CACNA2D1: variants seen among roughly 807,000 people sequenced by gnomAD.
The protein encoded by CACNA2D1 is calcium voltage-gated channel auxiliary subunit alpha2delta 1.
A neutral mutation model predicts 171.5 loss-of-function variants in CACNA2D1; 53 were observed. The observed-to-expected ratio is 0.31, with a 90% CI of 0.25 to 0.39. CACNA2D1 has a LOEUF of 0.39. Among genes scored for constraint, CACNA2D1 ranks in the 10% least tolerant of loss-of-function variants. The pLI, the probability that CACNA2D1 is intolerant of heterozygous loss-of-function variation, is 1.00. For synonymous variants in CACNA2D1, 442 were observed against 443.1 expected (o/e 1.00, Z 0.03); for missense variants, 903 against 1,299.8 (o/e 0.69, Z 4.69).
intron 6 of CACNA2D1, among the ~76,000 whole-genome samples, chr7:82,102,721 T>G (rs1812828552): frequency 6.6e-6 from 1 of 152,168 alleles, no homozygotes; most frequent in Non-Finnish European, 1.5e-5. Context: ...GGCCCTGTGC[T>G]GGCAATTAAA....
chr7:82,415,723 T>A (rs532362162), intron 1 of CACNA2D1, among the ~76,000 whole-genome samples: 3 of 152,154 alleles, frequency 2.0e-5, no homozygotes, highest in Admixed American at 6.5e-5. Context: ...TAATCAGGCT[T>A]ACTGCTTTAG....
intron 4 of CACNA2D1, among the ~76,000 whole-genome samples, chr7:82,168,196 T>C (rs931471341): frequency 6.6e-6 from 1 of 152,004 alleles, no homozygotes; most frequent in Non-Finnish European, 1.5e-5. Context: ...GCTGGAGTAG[T>C]ACAGTGTCAT....
At chr7:82,194,548 TTAAAC>T (rs1205052820) in intron 3 of CACNA2D1, among the ~76,000 whole-genome samples, 1 of 151,890 alleles carries the variant, frequency 6.6e-6, no homozygotes, top group Non-Finnish European at 1.5e-5. Flanking sequence ...ATAATAGCTA[TTAAAC>T]TAAAGTCCAA....
intron 14 of CACNA2D1, among the ~76,000 whole-genome samples, chr7:82,012,594 C>T (rs866988281): frequency 6.6e-6 from 1 of 152,088 alleles, no homozygotes; most frequent in Non-Finnish European, 1.5e-5. Context: ...TGATTTACTG[C>T]GTGGAATTGC....
At chr7:82,198,266 A>G (rs1799053465) in intron 3 of CACNA2D1, among the ~76,000 whole-genome samples, 1 of 152,126 alleles carries the variant, frequency 6.6e-6, no homozygotes, top group East Asian at 1.9e-4. Context: ...AAGCAGTAGG[A>G]TGGGAGGAAT....
rs747051584 is a variant in CACNA2D1, at chr7:81,948,337, C to T, written c.*2055G>A. 6.6e-6 allele frequency: 1 copy of T among 151,542 alleles called. No individual in the cohort carries two copies. Among genetic ancestry groups the T allele is most frequent in the African/African-American group, 2.4e-5 (1 of 41,314 alleles). 9.4% of individuals were successfully genotyped at this position (151,542 alleles called of 1,614,324 possible). A position where few individuals can be genotyped will look rare whatever the true frequency, so the allele number is the denominator to read the frequency against. On this transcript the variant is annotated 3_prime_UTR_variant, in exon 39 of 39. Coordinates refer to ENST00000356860, the MANE Select transcript of CACNA2D1 (RefSeq NM_000722.4). ...ATATTTTAAATCACTTTGGTGTTTT[C>T]TAAAATGTCAATACCAGTTATGAAT... is the stretch of plus-strand genomic sequence containing the variant.
chr7:82,293,226 T>C (rs890304314), intron 3 of CACNA2D1, among the ~76,000 whole-genome samples: 2 of 152,130 alleles, frequency 1.3e-5, no homozygotes, highest in African/African-American at 4.8e-5. Flanking sequence ...ATGTATAATA[T>C]CATTTTTTGA....
rs76767898 is a variant in CACNA2D1 at position 82,391,145 on chromosome 7, T to C, written c.96-41496A>G. Among the ~76,000 whole-genome samples, 1,319 of 152,280 alleles carry C rather than the reference T, an allele frequency of 8.7e-3. 47 individuals are homozygous for C. In the East Asian group the frequency reaches 0.099, roughly 11 times the overall value. On this transcript the variant is annotated intron_variant, in intron 1 of 38. Coordinates refer to ENST00000356860, the MANE Select transcript of CACNA2D1 (RefSeq NM_000722.4). ...GCTGTTTGTACTGTACTTGTCAATA[T>C]TGAGCATCACTCACAGTTCATGTGA... is the stretch of plus-strand genomic sequence containing the variant.
chr7:82,308,918 A>G (rs572487940), intron 3 of CACNA2D1, among the ~76,000 whole-genome samples: 2 of 152,358 alleles, frequency 1.3e-5, no homozygotes, highest in Admixed American at 1.3e-4. Flanking sequence ...TAGGGCAATG[A>G]AACAGGTGAT....
chr7:82,369,744 C>T (rs1822160490), intron 1 of CACNA2D1, among the ~76,000 whole-genome samples: 1 of 151,866 alleles, frequency 6.6e-6, no homozygotes, highest in African/African-American at 2.4e-5. Flanking sequence ...TAGAATAGCC[C>T]AGTTCCTCCA....
intron 4 of CACNA2D1, among the ~76,000 whole-genome samples, chr7:82,168,534 C>T (rs955982652): frequency 6.6e-6 from 1 of 152,022 alleles, no homozygotes; most frequent in African/African-American, 2.4e-5. Context: ...ATGGTAATAG[C>T]AAACTTGAAT....
intron 36 of CACNA2D1, among the ~76,000 whole-genome samples, chr7:81,961,158 G>A (rs954239446): frequency 1.3e-5 from 2 of 151,784 alleles, no homozygotes; most frequent in African/African-American, 4.8e-5. Context: ...AAAACAAAGT[G>A]TCTCTACTCT....
intron 1 of CACNA2D1, among the ~76,000 whole-genome samples, chr7:82,399,394 C>G (rs1169617556): frequency 6.6e-6 from 1 of 151,304 alleles, no homozygotes; most frequent in Non-Finnish European, 1.5e-5. Flanking sequence ...GAGCCGAGAT[C>G]GCTCCACTGC....
At position 82,215,548 on chromosome 7, in the gene CACNA2D1, A is replaced by T. The variant is rs1801013465; in HGVS notation, c.295-44939T>A. ...AACTTGAAATATGATTTAGCAATAAATATTACCTAATATATAATATAATTA... is the reference window on the plus strand; with the variant it reads ...AACTTGAAATATGATTTAGCAATAATTATTACCTAATATATAATATAATTA... On this transcript the variant is annotated intron_variant, in intron 3 of 38. Coordinates refer to ENST00000356860, the MANE Select transcript of CACNA2D1 (RefSeq NM_000722.4). Among the ~76,000 whole-genome samples the T allele has an allele frequency of 2.0e-5, 3 of 152,298 alleles. No individual in the cohort carries two copies. In the South Asian group the frequency reaches 6.2e-4, roughly 32 times the overall value.
chr7:82,263,101 A>ATTTT (rs1807342277), intron 3 of CACNA2D1, among the ~76,000 whole-genome samples: 3 of 79,032 alleles, frequency 3.8e-5, no homozygotes, highest in Admixed American at 2.6e-4. Flanking sequence ...ACATAACACC[A>ATTTT]CTTTTTTTTT....
chr7:82,061,239 A>G (rs115771985), intron 9 of CACNA2D1, among the ~76,000 whole-genome samples: 2 of 152,090 alleles, frequency 1.3e-5, no homozygotes, highest in Admixed American at 6.6e-5. Flanking sequence ...GGTACCAAAG[A>G]GTCTATGTCT....
At chr7:82,012,768 G>A (rs1200096211) in intron 14 of CACNA2D1, among the ~76,000 whole-genome samples, 1 of 152,078 alleles carries the variant, frequency 6.6e-6, no homozygotes, top group African/African-American at 2.4e-5. Context: ...AACATTCAGT[G>A]TATTCAGTAT....
At chr7:82,173,912 A>T (rs1796291540) in intron 3 of CACNA2D1, among the ~76,000 whole-genome samples, 1 of 151,644 alleles carries the variant, frequency 6.6e-6, no homozygotes, top group South Asian at 2.1e-4. Context: ...GCATGGTGGC[A>T]CATGCCTATC....
In CACNA2D1 at chr7:81,946,621, G is replaced by T. The variant is rs1280804377; in HGVS notation, c.*3771C>A. The T allele has an allele frequency of 2.6e-5, 4 of 152,068 alleles. No individual in the cohort carries two copies. The highest frequency in any genetic ancestry group is 2.0e-4 in the Admixed American group (3 of 15,246). The allele number at this position is 152,068 out of a possible 1,614,324, so 9.4% of individuals were successfully genotyped here. On this transcript the variant is annotated 3_prime_UTR_variant, in exon 39 of 39. Transcript: ENST00000356860. ...AGAGAACAAAATAAAGGGGAGAAAA[G>T]ATCTATTGTTCACAAAAGCCAGTTG...
Sources: allele counts gnomAD v4.1 joint callset (sites outside exome capture counted in the v4.1 genomes callset), GRCh38; gene constraint gnomAD v4.1.1; transcripts MANE v1.5; gene names NCBI Gene and HGNC (gene_info 2026-07-23, HGNC 2026-07-21).